The following AGBL4 variants were observed in gnomAD, a reference collection of about 807,000 sequenced individuals.
AGBL4 encodes the protein AGBL carboxypeptidase 4, also known as cytosolic carboxypeptidase 6.
Under a neutral mutation model 66.4 loss-of-function variants are expected in AGBL4, and 58 were observed. The ratio of observed to expected loss-of-function variants is 0.87; its 90% CI spans 0.71 to 1.09. The LOEUF (loss-of-function observed/expected upper bound fraction) is 1.09, where lower values mean the gene tolerates loss of function less well. Ranked by LOEUF, AGBL4 falls within the 50% of genes least tolerant of loss-of-function variation. The pLI, the probability that AGBL4 is intolerant of heterozygous loss-of-function variation, is 0.00. For synonymous variants in AGBL4, 234 were observed against 222.9 expected, an observed-to-expected ratio of 1.05 and a Z score of -0.44; for missense variants, 579 against 631.0, an observed-to-expected ratio of 0.92 and a Z score of 0.88.
intron 6 of AGBL4, chr1:48,758,924 C>A (rs144903085): frequency 6.5e-7 from 1 of 1,543,974 alleles, no homozygotes; most frequent in South Asian, 1.2e-5. Flanking sequence ...AGGAGCAGCA[C>A]GTCCTGGAGC....
intron 2 of AGBL4, among the ~76,000 whole-genome samples, chr1:49,795,871 T>A (rs1383885540): frequency 1.3e-5 from 2 of 151,962 alleles, no homozygotes; most frequent in African/African-American, 4.8e-5. Context: ...TGAGTAAATA[T>A]TTTTCTGATT....
intron 4 of AGBL4, among the ~76,000 whole-genome samples, chr1:49,139,877 AACAGC>A (rs540055191): frequency 6.8e-4 from 103 of 152,270 alleles, no homozygotes; most frequent in African/African-American, 2.4e-3. Flanking sequence ...TCTATGGAAC[AACAGC>A]ATTTGGTTAT....
intron 11 of AGBL4, among the ~76,000 whole-genome samples, chr1:48,556,325 CCTGT>C (rs753318147): frequency 6.6e-6 from 1 of 152,282 alleles, no homozygotes; most frequent in East Asian, 1.9e-4. Context: ...GGCCAGCTGG[CCTGT>C]CTGTCTGACT....
At chr1:49,921,845 C>A (rs925973700) in intron 1 of AGBL4, among the ~76,000 whole-genome samples, 3 of 152,150 alleles carry the variant, frequency 2.0e-5, no homozygotes, top group Admixed American at 2.0e-4. Context: ...TTGGATGGTG[C>A]CCACCCACAG....
chr1:49,332,220 T>A (rs1282029115), intron 3 of AGBL4, among the ~76,000 whole-genome samples: 1 of 152,236 alleles, frequency 6.6e-6, no homozygotes, highest in Non-Finnish European at 1.5e-5. Flanking sequence ...TGATAACATT[T>A]CTGAGGTGAC....
At chr1:48,550,722 C>T (rs1182973301) in intron 11 of AGBL4, among the ~76,000 whole-genome samples, 1 of 152,150 alleles carries the variant, frequency 6.6e-6, no homozygotes, top group Non-Finnish European at 1.5e-5. Flanking sequence ...GATGAAGGTG[C>T]TGGGTATCAG....
intron 4 of AGBL4, among the ~76,000 whole-genome samples, chr1:49,104,809 T>C (rs1389699600): frequency 6.6e-6 from 1 of 152,158 alleles, no homozygotes; most frequent in Non-Finnish European, 1.5e-5. Flanking sequence ...AGTTTTGAAG[T>C]GACCAAATAT....
At chr1:49,676,977 C>CT (rs1377362513) in intron 3 of AGBL4, among the ~76,000 whole-genome samples, 2 of 152,016 alleles carry the variant, frequency 1.3e-5, no homozygotes, top group African/African-American at 4.8e-5. Context: ...GTTTTTACTG[C>CT]TGTGTCTTTC....
intron 3 of AGBL4, among the ~76,000 whole-genome samples, chr1:49,693,361 A>T (rs1646924819): frequency 6.6e-6 from 1 of 152,160 alleles, no homozygotes; most frequent in Admixed American, 6.6e-5. Context: ...ACAACAACAA[A>T]TGGAAAATAA....
At chr1:49,802,660 C>A (rs555863135) in intron 2 of AGBL4, among the ~76,000 whole-genome samples, 8 of 152,160 alleles carry the variant, frequency 5.3e-5, no homozygotes, top group Non-Finnish European at 8.8e-5. Context: ...CTAACCTACC[C>A]CCGCCCTCAC....
intron 5 of AGBL4, among the ~76,000 whole-genome samples, chr1:49,005,197 C>T (rs1661691112): frequency 6.6e-6 from 1 of 152,226 alleles, no homozygotes; most frequent in African/African-American, 2.4e-5. Context: ...AAGTCACATT[C>T]AACTCTGAAT....
chr1:49,513,592 T>C (rs1425144938), intron 3 of AGBL4, among the ~76,000 whole-genome samples: 2 of 151,980 alleles, frequency 1.3e-5, no homozygotes, highest in Non-Finnish European at 2.9e-5. Context: ...GACATGATGA[T>C]TGATTGTGAA....
intron 4 of AGBL4, among the ~76,000 whole-genome samples, chr1:49,182,487 C>T (rs1036706618): frequency 6.6e-6 from 1 of 152,128 alleles, no homozygotes; most frequent in Admixed American, 6.6e-5. Flanking sequence ...ACTTAATCTC[C>T]CTGAATGTTA....
At chr1:49,116,572 AGTATTGCATGGT>A (rs759971578) in intron 4 of AGBL4, among the ~76,000 whole-genome samples, 7 of 152,224 alleles carry the variant, frequency 4.6e-5, no homozygotes, top group Non-Finnish European at 8.8e-5. Flanking sequence ...ATGGCTGCAT[AGTATTGCATGGT>A]GTGTATGTCC....
At chr1:49,630,385 T>C (rs929555187) in intron 3 of AGBL4, among the ~76,000 whole-genome samples, 1 of 152,192 alleles carries the variant, frequency 6.6e-6, no homozygotes, top group Non-Finnish European at 1.5e-5. Flanking sequence ...GTAAGTCTTC[T>C]GGTGTCACTT....
intron 2 of AGBL4, among the ~76,000 whole-genome samples, chr1:49,727,459 T>C (rs1649116740): frequency 6.6e-6 from 1 of 152,126 alleles, no homozygotes. Flanking sequence ...TCTCTTTCCA[T>C]ATGAGAAAGA....
At chr1:49,579,655 G>A (rs967170476) in intron 3 of AGBL4, among the ~76,000 whole-genome samples, 3 of 151,896 alleles carry the variant, frequency 2.0e-5, no homozygotes, top group Non-Finnish European at 2.9e-5. Context: ...GCCTGTCACC[G>A]TGCCCAGCTA....
chr1:49,925,267 CA>C (rs1232332673), intron 1 of AGBL4, among the ~76,000 whole-genome samples: 10 of 152,132 alleles, frequency 6.6e-5, no homozygotes, highest in Non-Finnish European at 4.4e-5. Flanking sequence ...TCCTGGATGA[CA>C]TTTCTGGACA....
intron 3 of AGBL4, among the ~76,000 whole-genome samples, chr1:49,590,998 CT>C (rs1484673510): frequency 1.3e-5 from 2 of 151,962 alleles, no homozygotes; most frequent in Non-Finnish European, 2.9e-5. Flanking sequence ...ATTAATAGGA[CT>C]GAGTAAACAC....
Sources: gnomAD v4.1 joint callset for allele counts (sites outside exome capture counted in the v4.1 genomes callset) on GRCh38, gnomAD v4.1.1 for gene constraint, MANE v1.5 for transcripts, NCBI Gene and HGNC (gene_info 2026-07-23, HGNC 2026-07-21) for gene names.